The following TRAF3 variants were observed in gnomAD, a reference collection of about 807,000 sequenced individuals.
TRAF3 encodes the protein TNF receptor associated factor 3.
In TRAF3, 13 loss-of-function variants were observed where a neutral mutation model predicts 62.3. That is an observed-to-expected ratio of 0.21 (90% CI 0.14 to 0.33). TRAF3 has a LOEUF of 0.33. Among genes scored for constraint, TRAF3 ranks in the 10% least tolerant of loss-of-function variants. The probability of loss-of-function intolerance (pLI) is 1.00; values close to 1 mark genes in which losing one functional copy is unlikely to be tolerated. For synonymous variants in TRAF3, 269 were observed against 283.4 expected (o/e 0.95, Z 0.51); for missense variants, 440 against 741.8 (o/e 0.59, Z 4.73).
chr14:102,809,029 C>T (rs1184242742), intron 1 of TRAF3: 3 of 152,092 alleles, frequency 2.0e-5, no homozygotes, highest in Non-Finnish European at 4.4e-5. Flanking sequence ...CTCTGTCACC[C>T]AGGCTGGAGT....
At chr14:102,787,798 G>A (rs1045255177) in intron 1 of TRAF3, among the ~76,000 whole-genome samples, 1 of 149,996 alleles carries the variant, frequency 6.7e-6, no homozygotes, top group African/African-American at 2.5e-5. Flanking sequence ...TGTTGCTGTG[G>A]TCACTTGCCT....
intron 2 of TRAF3, among the ~76,000 whole-genome samples, chr14:102,852,323 G>A (rs995115805): frequency 1.1e-4 from 17 of 152,096 alleles, no homozygotes; most frequent in African/African-American, 3.9e-4. Flanking sequence ...TTCTTTTACA[G>A]TGATATTTAG....
intron 5 of TRAF3, 40 bp from the exon 6 acceptor site, chr14:102,876,318 T>C: frequency 6.2e-7 from 1 of 1,611,530 alleles, no homozygotes; most frequent in Non-Finnish European, 8.5e-7. Flanking sequence ...GATTTAGGGT[T>C]TTTTTCCCAA....
At chr14:102,890,641 A>G (rs1466893711) in intron 8 of TRAF3, among the ~76,000 whole-genome samples, 1 of 152,214 alleles carries the variant, frequency 6.6e-6, no homozygotes, top group African/African-American at 2.4e-5. Context: ...TTAATTTTCT[A>G]ATAGCAAAAC....
Position 102,793,622 on chromosome 14 carries a change from A to G in TRAF3, c.-157+15947A>G, listed in dbSNP as rs143625856. ...CCCTCTTCTCAACACAGACACATTC[A>G]TGTTGTAGTGCCAGCTGTAAGCATA... On this transcript the variant is annotated intron_variant, in intron 1 of 11. Transcript: ENST00000392745. Among the ~76,000 whole-genome samples the G allele has an allele frequency of 3.3e-5, 5 of 152,264 alleles. No homozygotes were observed. In the East Asian group the frequency reaches 9.6e-4, roughly 29 times the overall value.
At chr14:102,856,070 T>C (rs1249390926) in intron 2 of TRAF3, among the ~76,000 whole-genome samples, 1 of 121,306 alleles carries the variant, frequency 8.2e-6, no homozygotes, top group Non-Finnish European at 1.6e-5. Context: ...CCATCCAGCC[T>C]GGGCAACAGA....
In TRAF3 at chr14:102,905,714, G is replaced by A; in HGVS notation, c.1637G>A (p.Gly546Glu). The A allele has an allele frequency of 6.2e-7, 1 of 1,612,210 alleles. No individual in the cohort carries two copies. Among genetic ancestry groups the A allele is most frequent in the Non-Finnish European group, 8.5e-7 (1 of 1,178,708 alleles). ...VFVAQTVLEN[G>E]TYIKDDTIFI... Reference sequence around the variant, plus strand: ...GTGGCCCAAACTGTTCTAGAAAATGGGACATATATTAAAGATGATACAATT... The same window carrying A: ...GTGGCCCAAACTGTTCTAGAAAATGAGACATATATTAAAGATGATACAATT... The change falls in exon 12 of 12, where the codon GGG (glycine) becomes GAG (glutamate). Residue 546 changes from glycine to glutamate, a missense_variant. By Grantham distance (98) the Gly-to-Glu change is moderately conservative (BLOSUM62 -2). Transcript: ENST00000392745.
intron 2 of TRAF3, among the ~76,000 whole-genome samples, chr14:102,834,351 T>A (rs899267507): frequency 3.3e-5 from 5 of 152,124 alleles, no homozygotes; most frequent in African/African-American, 1.2e-4. Flanking sequence ...AAGGACTCCC[T>A]ATTCAATCAG....
chr14:102,879,283 T>G (rs1055726534), intron 6 of TRAF3, among the ~76,000 whole-genome samples: 7 of 152,076 alleles, frequency 4.6e-5, no homozygotes, highest in African/African-American at 1.7e-4. Flanking sequence ...AATGGTTTGT[T>G]TTGTTTGAGA....
In TRAF3 at chr14:102,853,833, C is replaced by T. The variant is rs144484889; in HGVS notation, c.-17-16352C>T. On this transcript the variant is annotated intron_variant, in intron 2 of 11. Coordinates refer to ENST00000392745, the MANE Select transcript of TRAF3 (RefSeq NM_145725.3). ...AGCCTGGGCGACAGAGGCAAGACTCCGTCTAAAAAAAAAAAAAAAAGAATG... is the reference window on the plus strand; with the variant it reads ...AGCCTGGGCGACAGAGGCAAGACTCTGTCTAAAAAAAAAAAAAAAAGAATG... Among the ~76,000 whole-genome samples, 872 of 124,362 alleles carry T rather than the reference C, an allele frequency of 7.0e-3. 11 individuals carry two copies. The highest frequency in any genetic ancestry group is 0.036 in the African/African-American group (813 of 22,884). The allele number at this position is 124,362 out of a possible 152,430, so 81.6% of individuals were successfully genotyped here.
At chr14:102,820,645 T>G (rs1414106583) in intron 1 of TRAF3, among the ~76,000 whole-genome samples, 1 of 93,972 alleles carries the variant, frequency 1.1e-5, no homozygotes, top group African/African-American at 4.3e-5. Flanking sequence ...TTTTTTTTTT[T>G]GACAGGTTCT....
chr14:102,888,750 G>A (rs1472659394), intron 7 of TRAF3, among the ~76,000 whole-genome samples: 2 of 152,154 alleles, frequency 1.3e-5, no homozygotes, highest in Non-Finnish European at 2.9e-5. Context: ...TAAAGAAAAA[G>A]ACCAAACTAT....
intron 1 of TRAF3, among the ~76,000 whole-genome samples, chr14:102,809,854 T>C (rs1899019361): frequency 6.6e-6 from 1 of 152,092 alleles, no homozygotes; most frequent in South Asian, 2.1e-4. Context: ...TTAAAGACCA[T>C]GTAGGCAAGA....
At chr14:102,872,389 C>T (rs191951252) in intron 4 of TRAF3, among the ~76,000 whole-genome samples, 4 of 152,242 alleles carry the variant, frequency 2.6e-5, no homozygotes, top group Admixed American at 1.3e-4. Context: ...CCTTCAGACT[C>T]GCTAGGCTGA....
chr14:102,799,683 T>C (rs921687550), intron 1 of TRAF3, among the ~76,000 whole-genome samples: 2 of 152,208 alleles, frequency 1.3e-5, no homozygotes, highest in African/African-American at 4.8e-5. Context: ...ACTCTTGCCC[T>C]CAAAGGACCT....
chr14:102,897,507 A>G, intron 10 of TRAF3, 106 bp downstream of exon 10: 3 of 1,434,724 alleles, frequency 2.1e-6, no homozygotes, highest in Non-Finnish European at 2.9e-6. Context: ...TGACCTTTGC[A>G]AGCAGAAAGG....
intron 1 of TRAF3, among the ~76,000 whole-genome samples, chr14:102,779,269 C>CTTTT (rs61309052): frequency 0.027 from 3,324 of 122,692 alleles, 290 homozygotes; most frequent in Non-Finnish European, 0.036. Flanking sequence ...AGAATTCCAG[C>CTTTT]TTTTTTTTTT....
chr14:102,791,491 C>G (rs1052428146), intron 1 of TRAF3, among the ~76,000 whole-genome samples: 1 of 151,940 alleles, frequency 6.6e-6, no homozygotes, highest in Admixed American at 6.6e-5. Flanking sequence ...TTTTGTATTG[C>G]TCATTGCTGG....
chr14:102,785,022 A>T (rs999805903), intron 1 of TRAF3, among the ~76,000 whole-genome samples: 1 of 152,196 alleles, frequency 6.6e-6, no homozygotes, highest in Non-Finnish European at 1.5e-5. Context: ...TTTGCAGATG[A>T]GGAAAAGGAA....
Sources: allele counts gnomAD v4.1 joint callset (sites outside exome capture counted in the v4.1 genomes callset), GRCh38; gene constraint gnomAD v4.1.1; transcripts MANE v1.5; gene names NCBI Gene and HGNC (gene_info 2026-07-23, HGNC 2026-07-21).